DHDH: variants seen among roughly 807,000 people sequenced by gnomAD.
DHDH encodes dihydrodiol dehydrogenase, also known as trans-1,2-dihydrobenzene-1,2-diol dehydrogenase.
DHDH carries 29 observed loss-of-function variants against 33.2 expected under a neutral mutation model. The observed-to-expected ratio is 0.87, with a 90% CI of 0.65 to 1.19. The LOEUF (loss-of-function observed/expected upper bound fraction) is 1.19. DHDH is among the 50% of genes most tolerant of loss of function. DHDH has a pLI of 0.00. For missense variants in DHDH, 431 were observed against 455.0 expected (o/e 0.95, Z 0.48); for synonymous variants, 201 against 187.9 (o/e 1.07, Z -0.57).
At chr19:48,933,886 T>C (rs527595613) in intron 1 of DHDH, 75 bp downstream of exon 1, 2 of 1,436,310 alleles carry the variant, frequency 1.4e-6, no homozygotes, top group Non-Finnish European at 9.6e-7. Flanking sequence ...GGAGGGAGTT[T>C]AGGGTTCAGG....
chr19:48,935,225 AAAGACCTTTG>A, intron 2 of DHDH, 114 bp downstream of exon 2: 2 of 766,022 alleles, frequency 2.6e-6, no homozygotes, highest in South Asian at 5.1e-5. Context: ...TGGGTTCCAT[AAAGACCTTTG>A]GCTGGGAGGA....
In DHDH at chr19:48,936,149, G is replaced by C. The variant is rs769591987; in HGVS notation, c.320G>C (p.Arg107Pro). 2 of 1,607,824 alleles carry C rather than the reference G, an allele frequency of 1.2e-6. No homozygotes were observed. The highest frequency in any genetic ancestry group is 1.7e-6 in the Non-Finnish European group (2 of 1,177,934). The change falls in exon 3 of 7, where the codon CGC becomes CCC. Residue 107 changes from arginine to proline, a missense_variant. By Grantham distance (103) the Arg-to-Pro change is moderately radical. Transcript: ENST00000221403. ...ACGGGCGTGAACGCGGCGGAAGTTC[G>C]CGAGATGGTCGCGGAGGCCCGATCC... ...KPTGVNAAEV[R>P]EMVAEARSRA...
chr19:48,934,922 GCCT>G (rs1447823550), intron 1 of DHDH, 75 bp from the exon 2 acceptor site: 25 of 1,196,126 alleles, frequency 2.1e-5, no homozygotes, highest in Non-Finnish European at 2.7e-5. Flanking sequence ...CCTGGCCAGA[GCCT>G]CCTCCTTTGC....
At chr19:48,941,608 C>T (rs1164119782) in intron 4 of DHDH, among the ~76,000 whole-genome samples, 3 of 151,586 alleles carry the variant, frequency 2.0e-5, no homozygotes, top group African/African-American at 7.3e-5. Flanking sequence ...GTCTCGACCT[C>T]CTGGGCTCAA....
intron 3 of DHDH, among the ~76,000 whole-genome samples, chr19:48,936,721 A>AC (rs2037782663): frequency 6.6e-6 from 1 of 151,618 alleles, no homozygotes; most frequent in Non-Finnish European, 1.5e-5. Flanking sequence ...CAAACAAAAA[A>AC]AAAAACAAGA....
At chr19:48,944,242 T>A in intron 5 of DHDH, 115 bp from the exon 6 acceptor site, 2 of 1,433,374 alleles carry the variant, frequency 1.4e-6, no homozygotes, top group Non-Finnish European at 1.9e-6. Context: ...CAGGGCAAGC[T>A]CTTAGCCACC....
At chr19:48,934,158 G>A (rs1205129477) in intron 1 of DHDH, among the ~76,000 whole-genome samples, 2 of 152,208 alleles carry the variant, frequency 1.3e-5, no homozygotes, top group African/African-American at 2.4e-5. Context: ...AATGGATTTA[G>A]GGCTTTGCAG....
intron 2 of DHDH, 32 bp downstream of exon 2, chr19:48,935,143 G>A (rs770251255): frequency 7.3e-6 from 11 of 1,499,474 alleles, no homozygotes; most frequent in Admixed American, 4.2e-5. Context: ...GGTGCTGGCC[G>A]CCGCCCCTGG....
In DHDH at chr19:48,936,228, G is replaced by A. The variant is rs1399803299; in HGVS notation, c.366+33G>A. 4 of 1,536,932 alleles carry A rather than the reference G, an allele frequency of 2.6e-6. No homozygotes were observed. The Admixed American group carries it at 5.7e-5, about 22-fold the overall frequency. On this transcript the variant is annotated intron_variant, in intron 3 of 6. Transcript: ENST00000221403. ...CAGAGGAGCCCTTCCAATATCCAGC[G>A]TAAAAGTGCTTGCCATTAAATATGG...
intron 3 of DHDH, among the ~76,000 whole-genome samples, chr19:48,937,458 C>G (rs2037794282): frequency 6.6e-6 from 1 of 151,374 alleles, no homozygotes; most frequent in Non-Finnish European, 1.5e-5. Context: ...GGCAGATCAC[C>G]TGAGGTCAGG....
chr19:48,942,916 G>A (rs944878334), intron 5 of DHDH, among the ~76,000 whole-genome samples: 56 of 152,020 alleles, frequency 3.7e-4, no homozygotes, highest in Admixed American at 2.9e-3. Context: ...TTAGCTGGGT[G>A]TGGTGGTGGG....
chr19:48,938,649 T>A (rs2037813841), intron 3 of DHDH, among the ~76,000 whole-genome samples: 1 of 150,950 alleles, frequency 6.6e-6, no homozygotes, highest in African/African-American at 2.4e-5. Flanking sequence ...GACCTCATTT[T>A]TTTTTTTTTT....
chr19:48,944,255 G>C, intron 5 of DHDH, 102 bp from the exon 6 acceptor site: 1 of 1,528,598 alleles, frequency 6.5e-7, no homozygotes, highest in South Asian at 1.2e-5. Flanking sequence ...TAGCCACCAG[G>C]TTCAAGAGGG....
chr19:48,939,421 G>A, intron 3 of DHDH, 28 bp from the exon 4 acceptor site: 6 of 1,598,956 alleles, frequency 3.8e-6, no homozygotes, highest in Non-Finnish European at 5.1e-6. Flanking sequence ...AGAACTGGTT[G>A]GTTAACTCCT....
intron 3 of DHDH, 28 bp downstream of exon 3, chr19:48,936,223 C>T: frequency 1.3e-6 from 2 of 1,549,906 alleles, no homozygotes; most frequent in Non-Finnish European, 1.7e-6. Context: ...CTTCCAATAT[C>T]CAGCGTAAAA....
rs757425465 is a variant in DHDH, at chr19:48,936,169, C to G, written c.340C>G (p.Arg114Gly). ...AGTTCGCGAGATGGTCGCGGAGGCC[C>G]GATCCCGAGCCCTCTTCCTTATGGA... ...AEVREMVAEA[R>G]SRALFLMEAI... The change falls in exon 3 of 7, where the codon CGA becomes GGA. Residue 114 changes from arginine to glycine, a missense_variant. Coordinates refer to ENST00000221403, the MANE Select transcript of DHDH (RefSeq NM_014475.4). The G allele has an allele frequency of 1.7e-5, 27 of 1,601,026 alleles. No individual in the cohort carries two copies. Among genetic ancestry groups the G allele is most frequent in the Middle Eastern group, 3.3e-4 (2 of 6,034 alleles).
chr19:48,936,096 G>C lies in DHDH; in HGVS notation c.267G>C (p.Ala89=), dbSNP rs201221430. ...HKAAVMLCLA[A]GKAVLCEKPT... is the part of the protein sequence containing the mutation. ...CGGCGGTGATGCTGTGCTTGGCGGC[G>C]GGCAAGGCCGTTCTGTGCGAGAAGC... is the stretch of plus-strand genomic sequence containing the variant. Residue 89 remains alanine, a synonymous_variant, in exon 3 of 7, where the codon GCG becomes GCC. Coordinates refer to ENST00000221403, the MANE Select transcript of DHDH (RefSeq NM_014475.4). 2 of 1,611,194 alleles carry C rather than the reference G, an allele frequency of 1.2e-6. No homozygotes were observed. Among genetic ancestry groups the C allele is most frequent in the East Asian group, 4.5e-5 (2 of 44,798 alleles).
chr19:48,944,931 T>G lies in DHDH; in HGVS notation c.1003T>G (p.Ter335GlyextTer5). The change falls in exon 7 of 7, where the codon TGA becomes GGA. Residue 335 changes from the stop codon to glycine (G), a stop_lost. Transcript: ENST00000221403. ...AGTCACCTTCCCCCAAGACAAACGCTGATGTATCCCCGAATAAATAAAGAC... is the reference window on the plus strand; with the variant it reads ...AGTCACCTTCCCCCAAGACAAACGCGGATGTATCCCCGAATAAATAAAGAC... ...IGVTFPQDKR[*>G] 1 of 1,613,158 alleles carries G rather than the reference T, an allele frequency of 6.2e-7. No individual in the cohort carries two copies. Among genetic ancestry groups the G allele is most frequent in the East Asian group, 2.2e-5 (1 of 44,852 alleles).
chr19:48,944,293 C>T, intron 5 of DHDH, 64 bp from the exon 6 acceptor site: 1 of 1,607,748 alleles, frequency 6.2e-7, no homozygotes, highest in Non-Finnish European at 8.5e-7. Flanking sequence ...CTGGCATGTT[C>T]CTGGAGGCAG....
Sources: allele counts gnomAD v4.1 joint callset (sites outside exome capture counted in the v4.1 genomes callset), GRCh38; gene constraint gnomAD v4.1.1; transcripts MANE v1.5; gene names NCBI Gene and HGNC (gene_info 2026-07-23, HGNC 2026-07-21).